The following WNK1 variants were observed in gnomAD, a reference collection of about 807,000 sequenced individuals.
WNK1 encodes the protein serine/threonine-protein kinase WNK1.
A neutral mutation model predicts 222.8 loss-of-function variants in WNK1; 38 were observed. The observed-to-expected ratio is 0.17, with a 90% CI of 0.13 to 0.22. WNK1 has a LOEUF of 0.22. Ranked by LOEUF, WNK1 falls within the 10% of genes least tolerant of loss-of-function variation. WNK1 has a pLI of 1.00. For synonymous variants in WNK1, 1,090 were observed against 1,092.9 expected (o/e 1.00, Z 0.05); for missense variants, 2,348 against 2,918.4 (o/e 0.80, Z 4.50).
chr12:838,209 A>G (rs1404773007), intron 4 of WNK1, among the ~76,000 whole-genome samples: 1 of 152,094 alleles, frequency 6.6e-6, no homozygotes, highest in African/African-American at 2.4e-5. Flanking sequence ...AAGAATATTC[A>G]TGTACAAGTT....
At chr12:754,625 G>A (rs1011493748) in intron 1 of WNK1, among the ~76,000 whole-genome samples, 10 of 152,168 alleles carry the variant, frequency 6.6e-5, no homozygotes, top group African/African-American at 1.9e-4. Flanking sequence ...GGAATGAGTG[G>A]GGAAGTTGAA....
At position 833,669 on chromosome 12, in the gene WNK1, A is replaced by G. The variant is rs142475263; in HGVS notation, c.1311+3509A>G. Among the ~76,000 whole-genome samples, 1,032 of 152,320 alleles carry G rather than the reference A, an allele frequency of 6.8e-3. 15 individuals are homozygous for G. Among genetic ancestry groups the G allele is most frequent in the African/African-American group, 0.024 (982 of 41,580 alleles). On this transcript the variant is annotated intron_variant, in intron 4 of 27. Coordinates refer to ENST00000315939, the MANE Select transcript of WNK1 (RefSeq NM_018979.4). ...TATGAATGATAAAATTTTGTTTATT[A>G]GTGGTTATTCTACTTATAAATTCAT...
At chr12:901,605 C>T in intron 26 of WNK1, 3 of 1,289,118 alleles carry the variant, frequency 2.3e-6, no homozygotes, top group Non-Finnish European at 2.0e-6. Context: ...GACATTCAAA[C>T]CTGGTGGCAG....
intron 24 of WNK1, 61 bp from the exon 25 acceptor site, chr12:897,418 A>T: frequency 9.1e-7 from 1 of 1,093,928 alleles, no homozygotes; most frequent in Non-Finnish European, 1.4e-6. Flanking sequence ...ATATGCTGTT[A>T]ATTCTTGTCT....
intron 1 of WNK1, among the ~76,000 whole-genome samples, chr12:785,712 CT>C (rs1944241494): frequency 2.0e-5 from 3 of 151,954 alleles, no homozygotes; most frequent in Admixed American, 6.6e-5. Context: ...TTCCAGGTTC[CT>C]TTTTTTGGTT....
rs886044182 is a variant in WNK1, at chr12:881,792, A to G, written c.3209+3A>G. On this transcript the variant is annotated splice_donor_region_variant and intron_variant, in intron 13 of 27. Transcript: ENST00000315939. ...ACTTTGGCTTCCTCTGTAGACAGGTACGTAAAACTAGAATTCTCCTTCCTT... is the reference window on the plus strand; with the variant it reads ...ACTTTGGCTTCCTCTGTAGACAGGTGCGTAAAACTAGAATTCTCCTTCCTT... 1.9e-6 allele frequency: 3 copies of G among 1,614,044 alleles called. No homozygotes were observed. Among genetic ancestry groups the G allele is most frequent in the Non-Finnish European group, 1.7e-6 (2 of 1,179,992 alleles).
At chr12:895,188 C>T (rs966351502) in intron 23 of WNK1, among the ~76,000 whole-genome samples, 2 of 152,184 alleles carry the variant, frequency 1.3e-5, no homozygotes, top group Non-Finnish European at 2.9e-5. Context: ...CATTTTCTGG[C>T]TGGGGAGAGT....
chr12:825,707 A>T (rs1005306402), intron 2 of WNK1, among the ~76,000 whole-genome samples: 1 of 152,232 alleles, frequency 6.6e-6, no homozygotes, highest in Non-Finnish European at 1.5e-5. Context: ...ATCAGTAAAG[A>T]CATAGAAATT....
At chr12:908,395 A>G in intron 27 of WNK1, 80 bp from the exon 28 acceptor site, 1 of 1,399,268 alleles carries the variant, frequency 7.1e-7, no homozygotes, top group Non-Finnish European at 1.0e-6. Flanking sequence ...TTACAGGATT[A>G]TACTAGAAGT....
At chr12:837,683 G>T (rs1380211470) in intron 4 of WNK1, among the ~76,000 whole-genome samples, 1 of 152,032 alleles carries the variant, frequency 6.6e-6, no homozygotes, top group Non-Finnish European at 1.5e-5. Context: ...TAGGTTTTCA[G>T]TCTTGTCTAC....
At chr12:807,974 C>T (rs1320167732) in intron 1 of WNK1, among the ~76,000 whole-genome samples, 1 of 152,022 alleles carries the variant, frequency 6.6e-6, no homozygotes, top group East Asian at 1.9e-4. Context: ...CCGCCTCGGC[C>T]TCCCAAAGTG....
chr12:805,924 GA>G (rs918468076), intron 1 of WNK1, among the ~76,000 whole-genome samples: 6 of 151,062 alleles, frequency 4.0e-5, no homozygotes, highest in South Asian at 4.2e-4. Flanking sequence ...ATTTAAAGAA[GA>G]AAAAAAAATT....
intron 26 of WNK1, chr12:901,668 T>TA: frequency 8.0e-7 from 1 of 1,244,568 alleles, no homozygotes; most frequent in Non-Finnish European, 1.1e-6. Context: ...GTAACACCTT[T>TA]ACTCCTTCCT....
intron 10 of WNK1, 91 bp from the exon 11 acceptor site, chr12:879,482 T>C: frequency 2.5e-6 from 2 of 784,324 alleles, no homozygotes; most frequent in Non-Finnish European, 3.8e-6. Flanking sequence ...TCTTTTTGGC[T>C]AATACATAAA....
At chr12:847,805 T>C in intron 4 of WNK1, among the ~76,000 whole-genome samples, 1 of 136,656 alleles carries the variant, frequency 7.3e-6, no homozygotes, top group African/African-American at 2.8e-5. Context: ...AATTCTCTTT[T>C]TTTTTTTTTT....
intron 9 of WNK1, among the ~76,000 whole-genome samples, chr12:876,816 AT>A (rs1164958920): frequency 2.0e-5 from 3 of 152,068 alleles, no homozygotes; most frequent in Non-Finnish European, 4.4e-5. Context: ...TGTTTTGTTT[AT>A]TTTAACAAAA....
In WNK1 at chr12:908,487, G is replaced by A. The variant is rs780103639; in HGVS notation, c.6844G>A (p.Ala2282Thr). 6.2e-7 allele frequency: 1 copy of A among 1,614,040 alleles called. No homozygotes were observed. The highest frequency in any genetic ancestry group is 8.5e-7 in the Non-Finnish European group (1 of 1,180,036). Reference protein sequence around the residue: ...GHMNYEGPGMARKFSAPGQLC... With the variant: ...GHMNYEGPGMTRKFSAPGQLC... ...GTTTTGTTTTCAGGGCCCTGGAATG[G>A]CAAGGAAGTTCTCTGCACCTGGGCA... Residue 2282 changes from alanine to threonine, a missense_variant, in exon 28 of 28, where the codon GCA becomes ACA. Ala to Thr is a moderately conservative substitution (Grantham distance 58, BLOSUM62 0). Coordinates refer to ENST00000315939, the MANE Select transcript of WNK1 (RefSeq NM_018979.4).
chr12:870,670 C>G (rs1026116360), intron 8 of WNK1, among the ~76,000 whole-genome samples: 1 of 152,114 alleles, frequency 6.6e-6, no homozygotes, highest in African/African-American at 2.4e-5. Context: ...TTTATACCTC[C>G]TAAATACTAG....
At chr12:770,294 A>T (rs977650284) in intron 1 of WNK1, among the ~76,000 whole-genome samples, 2 of 152,192 alleles carry the variant, frequency 1.3e-5, no homozygotes, top group African/African-American at 4.8e-5. Context: ...TTTCTGATAC[A>T]TGAATTTGGT....
Sources: gnomAD v4.1 joint callset for allele counts (sites outside exome capture counted in the v4.1 genomes callset) on GRCh38, gnomAD v4.1.1 for gene constraint, MANE v1.5 for transcripts, NCBI Gene and HGNC (gene_info 2026-07-23, HGNC 2026-07-21) for gene names.